INO80: variants seen among roughly 807,000 people sequenced by gnomAD.
INO80 encodes chromatin-remodeling ATPase INO80.
INO80 carries 20 observed loss-of-function variants against 203.4 expected under a neutral mutation model. That is an observed-to-expected ratio of 0.10 (90% CI 0.07 to 0.14). The LOEUF (loss-of-function observed/expected upper bound fraction) is 0.14, where lower values mean the gene tolerates loss of function less well. Among genes scored for constraint, INO80 ranks in the 10% least tolerant of loss-of-function variants. The pLI is 1.00. For missense variants in INO80, 1,419 were observed against 1,914.4 expected, an observed-to-expected ratio of 0.74 and a Z score of 4.83; for synonymous variants, 726 against 685.2, an observed-to-expected ratio of 1.06 and a Z score of -0.93.
chr15:41,049,884 A>T (rs781782262), intron 20 of INO80, 51 bp downstream of exon 20: 105 of 1,522,026 alleles, frequency 6.9e-5, no homozygotes, highest in Non-Finnish European at 7.9e-5. Context: ...AGACAATTCT[A>T]TCTCAAAAAA....
intron 18 of INO80, among the ~76,000 whole-genome samples, chr15:41,054,502 T>G (rs548059601): frequency 7.2e-5 from 11 of 152,264 alleles, no homozygotes; most frequent in African/African-American, 2.6e-4. Context: ...TTAAAAATGC[T>G]CACAATGAAA....
chr15:41,042,079 T>C (rs544768266), intron 24 of INO80, among the ~76,000 whole-genome samples: 1 of 151,212 alleles, frequency 6.6e-6, no homozygotes, highest in Non-Finnish European at 1.5e-5. Context: ...AGGTGCATGA[T>C]CTCAGCTCAC....
intron 28 of INO80, among the ~76,000 whole-genome samples, chr15:41,001,925 G>C (rs1306604158): frequency 6.6e-6 from 1 of 152,128 alleles, no homozygotes; most frequent in Non-Finnish European, 1.5e-5. Context: ...AAAAACACCT[G>C]TCTTTTTCTC....
At chr15:41,026,796 G>A (rs1447985492) in intron 25 of INO80, among the ~76,000 whole-genome samples, 1 of 152,172 alleles carries the variant, frequency 6.6e-6, no homozygotes, top group African/African-American at 2.4e-5. Flanking sequence ...CTTCTTGGTA[G>A]ATCTTTTCTC....
intron 31 of INO80, among the ~76,000 whole-genome samples, chr15:40,986,669 G>A (rs1044736576): frequency 3.4e-5 from 5 of 147,478 alleles, no homozygotes; most frequent in African/African-American, 1.3e-4. Context: ...CTTATTGCCC[G>A]GGCTGGAGTG....
intron 5 of INO80, among the ~76,000 whole-genome samples, chr15:41,089,440 G>A (rs1007020900): frequency 6.6e-6 from 1 of 152,110 alleles, no homozygotes; most frequent in South Asian, 2.1e-4. Flanking sequence ...TATGTACAAC[G>A]TTCCACACTT....
chr15:41,031,109 T>C lies in INO80; in HGVS notation c.2908-3373A>G, dbSNP rs564333466. Among the ~76,000 whole-genome samples the C allele has an allele frequency of 1.4e-4, 22 of 152,314 alleles. 1 individual carries two copies. The highest frequency in any genetic ancestry group is 5.1e-4 in the African/African-American group (21 of 41,566). ...AATGCTCAACATATAGCCTCAACTT[T>C]AGAGAAACCCTGACTACCCCTAGAA... is the stretch of plus-strand genomic sequence containing the variant. On this transcript the variant is annotated intron_variant, in intron 24 of 35. Coordinates refer to ENST00000648947, the MANE Select transcript of INO80 (RefSeq NM_017553.3).
intron 17 of INO80, 92 bp downstream of exon 17, chr15:41,056,530 G>A (rs985029849): frequency 2.1e-6 from 2 of 964,918 alleles, no homozygotes; most frequent in Non-Finnish European, 3.3e-6. Context: ...CAAAGCAGTA[G>A]CACTGCAAGG....
chr15:41,047,311 AGAT>A (rs1296411218), intron 23 of INO80, 94 bp downstream of exon 23: 142 of 796,932 alleles, frequency 1.8e-4, no homozygotes, highest in Admixed American at 1.9e-4. Context: ...AAGTTCTCTA[AGAT>A]GATATCATAT....
rs778057401 is a variant in INO80 at position 40,979,909 on chromosome 15, C to T, written c.*314G>A. 6.0e-5 allele frequency: 23 copies of T among 385,266 alleles called. No homozygotes were observed. Among genetic ancestry groups the T allele is most frequent in the Non-Finnish European group, 9.7e-5 (20 of 205,570 alleles). The allele number at this position is 385,266 out of a possible 1,614,324, so 23.9% of individuals were successfully genotyped here. ...GTGGAATCGGGATGGAAACAGTATG[C>T]CTGAGCATCTAAAGGGGGTCTGTGT... On this transcript the variant is annotated 3_prime_UTR_variant, in exon 36 of 36. Transcript: ENST00000648947.
chr15:41,041,425 C>T (rs2044664778), intron 24 of INO80, among the ~76,000 whole-genome samples: 1 of 150,360 alleles, frequency 6.7e-6, no homozygotes, highest in Non-Finnish European at 1.5e-5. Context: ...CCTGGAGCTT[C>T]TAGTTCTTTT....
chr15:41,108,254 G>A (rs2045909172), intron 1 of INO80, among the ~76,000 whole-genome samples: 1 of 151,996 alleles, frequency 6.6e-6, no homozygotes, highest in African/African-American at 2.4e-5. Flanking sequence ...AGCATGGTAA[G>A]AAAGAAGATG....
intron 28 of INO80, chr15:41,004,787 A>G (rs2044013310): frequency 6.6e-6 from 1 of 152,230 alleles, no homozygotes; most frequent in Non-Finnish European, 1.5e-5. Context: ...ATTTGTCATA[A>G]GGCACTGTAC....
chr15:40,981,256 T>A, intron 35 of INO80, among the ~76,000 whole-genome samples: 1 of 152,218 alleles, frequency 6.6e-6, no homozygotes, highest in East Asian at 1.9e-4. Context: ...TGTTGGTTTT[T>A]CTTGTGCTGC....
In INO80 at chr15:41,071,954, T is replaced by A. The variant is rs753829713; in HGVS notation, c.1500A>T (p.Pro500=). Reference sequence around the variant, plus strand: ...GAATATCCTCACCAGCCCGGATAGATGGGTTAGCCAGGCTATAACTCTCCC... The same window carrying A: ...GAATATCCTCACCAGCCCGGATAGAAGGGTTAGCCAGGCTATAACTCTCCC... The part of the protein sequence containing the change: ...GFGESYSLAN[P]SIRAGEDIPQ... The change falls in exon 12 of 36, where the codon CCA becomes CCT. Residue 500 remains proline (P), a synonymous_variant. Coordinates refer to ENST00000648947, the MANE Select transcript of INO80 (RefSeq NM_017553.3). The A allele has an allele frequency of 1.2e-6, 2 of 1,613,898 alleles. No individual in the cohort carries two copies. The highest frequency in any genetic ancestry group is 1.7e-6 in the Non-Finnish European group (2 of 1,179,928).
At chr15:41,029,335 A>G (rs979286654) in intron 24 of INO80, among the ~76,000 whole-genome samples, 10 of 152,210 alleles carry the variant, frequency 6.6e-5, no homozygotes, top group African/African-American at 2.4e-4. Flanking sequence ...TAAGGCTCAT[A>G]GTTTGAAAGC....
At chr15:41,097,637 T>C (rs940889215) in intron 1 of INO80, among the ~76,000 whole-genome samples, 2 of 150,676 alleles carry the variant, frequency 1.3e-5, no homozygotes, top group African/African-American at 4.9e-5. Flanking sequence ...CACACCTAGC[T>C]AATTTGTTGT....
Position 41,048,299 on chromosome 15 carries a change from A to C in INO80, c.2577-23T>G, listed in dbSNP as rs764451812. ...CACCTGCAAAGTAAGTAAATAAAAT[A>C]AAGCCAAACCCAAACATAAATAATG... On this transcript the variant is annotated intron_variant, in intron 21 of 35. Transcript: ENST00000648947. The C allele has an allele frequency of 2.5e-6, 4 of 1,573,684 alleles. No individual in the cohort carries two copies. The East Asian group carries it at 9.0e-5, about 35-fold the overall frequency.
intron 24 of INO80, among the ~76,000 whole-genome samples, chr15:41,035,138 T>C (rs1317524841): frequency 6.6e-6 from 1 of 152,226 alleles, no homozygotes; most frequent in East Asian, 1.9e-4. Flanking sequence ...GTTGAAAAAC[T>C]AGTTAAGAAC....
Sources: allele counts gnomAD v4.1 joint callset (sites outside exome capture counted in the v4.1 genomes callset), GRCh38; gene constraint gnomAD v4.1.1; transcripts MANE v1.5; gene names NCBI Gene and HGNC (gene_info 2026-07-23, HGNC 2026-07-21).